F13A1: variants seen among roughly 807,000 people sequenced by gnomAD.
F13A1 encodes FSF, A subunit.
A neutral mutation model predicts 80.1 loss-of-function variants in F13A1; 47 were observed. That is an observed-to-expected ratio of 0.59 (90% CI 0.46 to 0.75). F13A1 has a LOEUF of 0.75. Among genes scored for constraint, F13A1 ranks in the 30% least tolerant of loss-of-function variants. The pLI is 0.00. For missense variants in F13A1, 817 were observed against 930.4 expected (o/e 0.88, Z 1.59); for synonymous variants, 349 against 344.9 (o/e 1.01, Z -0.13).
intron 3 of F13A1, among the ~76,000 whole-genome samples, chr6:6,283,247 A>G (rs1758090837): frequency 6.6e-6 from 1 of 152,266 alleles, no homozygotes; most frequent in South Asian, 2.1e-4. Flanking sequence ...ATGAAAGTCA[A>G]AGCAAGATTA....
chr6:6,317,140 A>G (rs1349207626), intron 2 of F13A1, among the ~76,000 whole-genome samples: 1 of 152,170 alleles, frequency 6.6e-6, no homozygotes, highest in Non-Finnish European at 1.5e-5. Context: ...GGAATACACA[A>G]AGGCAACCTG....
intron 6 of F13A1, among the ~76,000 whole-genome samples, chr6:6,233,683 G>C (rs533032393): frequency 6.6e-5 from 10 of 152,200 alleles, no homozygotes; most frequent in South Asian, 6.2e-4. Flanking sequence ...GATGAACACA[G>C]ATGCTAAAAT....
chr6:6,173,405 TTTTC>T (rs1177666749), intron 12 of F13A1, among the ~76,000 whole-genome samples: 1 of 20,846 alleles, frequency 4.8e-5, no homozygotes, highest in African/African-American at 5.1e-4. Flanking sequence ...GCCTCCATTC[TTTTC>T]TTTTTTTTTT....
At chr6:6,259,715 C>A (rs1020960939) in intron 4 of F13A1, among the ~76,000 whole-genome samples, 1 of 152,148 alleles carries the variant, frequency 6.6e-6, no homozygotes, top group Non-Finnish European at 1.5e-5. Context: ...ATCAACACAG[C>A]AAACATTTAT....
chr6:6,258,182 T>C (rs927664607), intron 4 of F13A1, among the ~76,000 whole-genome samples: 5 of 152,198 alleles, frequency 3.3e-5, no homozygotes, highest in Non-Finnish European at 7.3e-5. Flanking sequence ...AGAGTCAGGA[T>C]GCTCCAGGGT....
At chr6:6,255,900 T>C (rs1316883199) in intron 4 of F13A1, among the ~76,000 whole-genome samples, 1 of 152,072 alleles carries the variant, frequency 6.6e-6, no homozygotes, top group Non-Finnish European at 1.5e-5. Flanking sequence ...TTCAGATCTG[T>C]CACTTTAAAA....
intron 8 of F13A1, among the ~76,000 whole-genome samples, chr6:6,216,213 C>T (rs1005466364): frequency 9.9e-5 from 15 of 152,042 alleles, no homozygotes; most frequent in South Asian, 2.1e-4. Context: ...GAGCCTGCAT[C>T]GCCAAGTCAA....
Position 6,305,147 on chromosome 6 carries a change from T to G in F13A1, c.319+204A>C, listed in dbSNP as rs914667326. ...TTTTACTTTTATTTATATGAGATTT[T>G]CTCCTTGGGTGGGCCCAAGTTATCA... On this transcript the variant is annotated intron_variant, in intron 3 of 14. Transcript: ENST00000264870. 1.1e-5 allele frequency: 7 copies of G among 637,628 alleles called. No homozygotes were observed. In the African/African-American group the frequency reaches 1.3e-4, roughly 12 times the overall value. 39.5% of individuals were successfully genotyped at this position (637,628 alleles called of 1,614,324 possible). A position where few individuals can be genotyped will look rare whatever the true frequency, so the allele number is the denominator to read the frequency against.
At chr6:6,194,175 C>T (rs1006094990) in intron 10 of F13A1, among the ~76,000 whole-genome samples, 2 of 152,122 alleles carry the variant, frequency 1.3e-5, no homozygotes, top group Non-Finnish European at 2.9e-5. Context: ...CCCTCCAATC[C>T]GTGTTCCACA....
chr6:6,202,596 C>T (rs548761141), intron 8 of F13A1, among the ~76,000 whole-genome samples: 7 of 152,240 alleles, frequency 4.6e-5, no homozygotes, highest in South Asian at 2.1e-4. Context: ...CAAAAGGTAC[C>T]GTGTCCCTTT....
At chr6:6,197,441 A>G in intron 8 of F13A1, 115 bp from the exon 9 acceptor site, 1 of 920,922 alleles carries the variant, frequency 1.1e-6, no homozygotes, top group Non-Finnish European at 1.7e-6. Flanking sequence ...GCAATTTGGG[A>G]GGCCAAGGCA....
intron 10 of F13A1, among the ~76,000 whole-genome samples, chr6:6,185,968 G>A (rs1210686637): frequency 3.3e-5 from 5 of 150,486 alleles, no homozygotes; most frequent in Non-Finnish European, 3.0e-5. Context: ...TTCTCTGATG[G>A]CCAGTGATGG....
intron 11 of F13A1, among the ~76,000 whole-genome samples, chr6:6,179,709 C>T (rs374064985): frequency 3.3e-5 from 5 of 152,264 alleles, no homozygotes; most frequent in Middle Eastern, 3.4e-3. Flanking sequence ...ACTCCAGCCC[C>T]GAAGCAGGAT....
intron 4 of F13A1, among the ~76,000 whole-genome samples, chr6:6,251,434 T>C (rs900423646): frequency 3.3e-5 from 5 of 152,198 alleles, no homozygotes; most frequent in African/African-American, 1.2e-4. Context: ...GTAGGTCATC[T>C]CCTTTTAATG....
At chr6:6,227,079 T>C (rs1757286138) in intron 6 of F13A1, among the ~76,000 whole-genome samples, 1 of 152,184 alleles carries the variant, frequency 6.6e-6, no homozygotes, top group African/African-American at 2.4e-5. Flanking sequence ...ATTATGTAAG[T>C]AGGCAATACC....
chr6:6,293,782 A>AGG (rs1286358823), intron 3 of F13A1, among the ~76,000 whole-genome samples: 1 of 66,916 alleles, frequency 1.5e-5, no homozygotes, highest in African/African-American at 7.1e-5. Context: ...AGTGAGAGAG[A>AGG]GAGGGAGGGA....
chr6:6,305,782 C>T (rs1165046483), intron 2 of F13A1: 2 of 505,046 alleles, frequency 4.0e-6, no homozygotes, highest in Non-Finnish European at 7.2e-6. Context: ...CCACAAGGCA[C>T]TCACTGTGGG....
intron 14 of F13A1, among the ~76,000 whole-genome samples, chr6:6,149,770 CTCTG>C (rs1218299774): frequency 3.3e-5 from 5 of 152,212 alleles, no homozygotes; most frequent in Non-Finnish European, 7.3e-5. Context: ...GCAGCTAGCT[CTCTG>C]TCTATCTACT....
intron 3 of F13A1, among the ~76,000 whole-genome samples, chr6:6,304,745 C>T (rs2113182615): frequency 6.6e-6 from 1 of 151,910 alleles, no homozygotes; most frequent in South Asian, 2.1e-4. Context: ...CAACTGTGGT[C>T]CCAGCTACTC....
Sources: allele counts gnomAD v4.1 joint callset (sites outside exome capture counted in the v4.1 genomes callset), GRCh38; gene constraint gnomAD v4.1.1; transcripts MANE v1.5; gene names NCBI Gene and HGNC (gene_info 2026-07-23, HGNC 2026-07-21).